RUNX1: variants seen among roughly 807,000 people sequenced by gnomAD.
RUNX1 encodes runt-related transcription factor 1.
Under a neutral mutation model 42.8 loss-of-function variants are expected in RUNX1, and 19 were observed. The ratio of observed to expected loss-of-function variants is 0.44; its 90% CI spans 0.31 to 0.65. The LOEUF (loss-of-function observed/expected upper bound fraction) is 0.65, where lower values mean the gene tolerates loss of function less well. RUNX1 is among the 30% of genes least tolerant of loss of function. RUNX1 has a pLI of 0.07. For synonymous variants in RUNX1, 271 were observed against 289.4 expected, an observed-to-expected ratio of 0.94 and a Z score of 0.64; for missense variants, 528 against 672.0, an observed-to-expected ratio of 0.79 and a Z score of 2.37.
At position 35,048,908 on chromosome 21, in the gene RUNX1, C is replaced by T. The variant is rs749074869; in HGVS notation, c.-9G>A. The T allele has an allele frequency of 1.2e-6, 2 of 1,613,348 alleles. No individual in the cohort carries two copies. Among genetic ancestry groups the T allele is most frequent in the African/African-American group, 1.3e-5 (1 of 74,858 alleles). ...ATGCTGTCTGAAGCCATCGCTTCCT[C>T]CTGAAAATGCACCCTCTTCTGAAGG... On this transcript the variant is annotated 5_prime_UTR_variant, in exon 2 of 9. Transcript: ENST00000675419.
chr21:35,023,503 G>A (rs1569154957), intron 2 of RUNX1, among the ~76,000 whole-genome samples: 1 of 152,312 alleles, frequency 6.6e-6, no homozygotes, highest in Non-Finnish European at 1.5e-5. Flanking sequence ...GCAGGGGGCT[G>A]GACTGTGGAT....
intron 3 of RUNX1, chr21:34,889,777 G>C (rs1399556879): frequency 2.4e-5 from 28 of 1,148,370 alleles, no homozygotes; most frequent in Non-Finnish European, 2.9e-5. Context: ...GGTCCGGCGT[G>C]CGCTGCCAAC....
chr21:34,888,667 C>T (rs2058034196), intron 3 of RUNX1: 4 of 1,045,448 alleles, frequency 3.8e-6, no homozygotes, highest in African/African-American at 1.7e-5. Flanking sequence ...GGCGCCCGTC[C>T]CGCCCGCGCC....
chr21:34,889,016 C>G (rs2058041173), intron 3 of RUNX1, among the ~76,000 whole-genome samples: 1 of 151,330 alleles, frequency 6.6e-6, no homozygotes, highest in Admixed American at 6.6e-5. Flanking sequence ...CGCGAGTGGC[C>G]ACGGTCCGGA....
chr21:35,031,073 G>T (rs999678775), intron 2 of RUNX1, among the ~76,000 whole-genome samples: 3 of 152,232 alleles, frequency 2.0e-5, no homozygotes, highest in African/African-American at 7.2e-5. Context: ...AGATGGCCGG[G>T]TGCGGTGGCT....
chr21:34,955,264 T>C (rs567313275), intron 2 of RUNX1, among the ~76,000 whole-genome samples: 1 of 152,174 alleles, frequency 6.6e-6, no homozygotes, highest in African/African-American at 2.4e-5. Context: ...CAGGGGACTC[T>C]TACACTTACT....
At chr21:34,937,156 G>T (rs961001877) in intron 2 of RUNX1, among the ~76,000 whole-genome samples, 1 of 152,038 alleles carries the variant, frequency 6.6e-6, no homozygotes, top group Admixed American at 6.5e-5. Context: ...CTGAATCAAA[G>T]ACTAGGTTAT....
intron 6 of RUNX1, among the ~76,000 whole-genome samples, chr21:34,850,695 T>A (rs2057405535): frequency 6.6e-6 from 1 of 152,064 alleles, no homozygotes; most frequent in Non-Finnish European, 1.5e-5. Context: ...GTGCCCAGAG[T>A]GTTTCCAGGG....
chr21:34,920,999 T>C (rs974365623), intron 2 of RUNX1, among the ~76,000 whole-genome samples: 1 of 152,024 alleles, frequency 6.6e-6, no homozygotes, highest in African/African-American at 2.4e-5. Context: ...GCTGGGATTA[T>C]AGGAGCCTGC....
Position 34,967,206 on chromosome 21 carries a change from G to C in RUNX1, c.59-74243C>G, listed in dbSNP as rs191764104. Among the ~76,000 whole-genome samples, 255 of 150,302 alleles carry C rather than the reference G, an allele frequency of 1.7e-3. 7 individuals are homozygous for C. In the East Asian group the frequency reaches 0.043, roughly 25 times the overall value. ...ATGGTGGCAGGCGCCTGTAATCACA[G>C]CTACTTGGGAGGCTGAGGGAGGAGA... On this transcript the variant is annotated intron_variant, in intron 2 of 8. Transcript: ENST00000675419.
chr21:34,877,694 C>T, intron 5 of RUNX1, among the ~76,000 whole-genome samples: 1 of 152,176 alleles, frequency 6.6e-6, no homozygotes, highest in East Asian at 1.9e-4. Flanking sequence ...ACGGAATGAA[C>T]CCGAGGTTAG....
In RUNX1 at chr21:34,875,971, T is replaced by C. The variant is rs545401508; in HGVS notation, c.508+4586A>G. ...AGGATAAATATTATGTCTGGGAAGA[T>C]ATTCACAGCAAGAACATACCGAAGG... On this transcript the variant is annotated intron_variant, in intron 5 of 8. Coordinates refer to ENST00000675419, the MANE Select transcript of RUNX1 (RefSeq NM_001754.5). Among the ~76,000 whole-genome samples, 4 of 152,366 alleles carry C rather than the reference T, an allele frequency of 2.6e-5. No individual in the cohort carries two copies. The East Asian group carries it at 7.7e-4, about 29-fold the overall frequency.
rs1267446094 is a variant in RUNX1, at chr21:34,880,678, C to G, written c.387G>C (p.Leu129=). The change falls in exon 5 of 9, where the codon CTG becomes CTC. Residue 129 remains leucine, a synonymous_variant. Coordinates refer to ENST00000675419, the MANE Select transcript of RUNX1 (RefSeq NM_001754.5). ...VALGDVPDGT[L]VTVMAGNDEN... The stretch of plus-strand genomic sequence containing the variant: ...CATCATTGCCAGCCATCACAGTGAC[C>G]AGAGTGCCATCTGGAACATCCCCTA... 2 of 1,614,144 alleles carry G rather than the reference C, an allele frequency of 1.2e-6. No homozygotes were observed. The highest frequency in any genetic ancestry group is 1.1e-5 in the South Asian group (1 of 91,088).
At chr21:34,967,355 A>G (rs900515883) in intron 2 of RUNX1, among the ~76,000 whole-genome samples, 3 of 142,470 alleles carry the variant, frequency 2.1e-5, no homozygotes, top group East Asian at 4.1e-4. Flanking sequence ...AAAAAAAAGA[A>G]GAATAGCGTT....
At chr21:34,986,433 T>C (rs1013180964) in intron 2 of RUNX1, among the ~76,000 whole-genome samples, 1 of 151,404 alleles carries the variant, frequency 6.6e-6, no homozygotes, top group East Asian at 1.9e-4. Flanking sequence ...GCAGGAGATA[T>C]GTGGCATTTA....
At chr21:34,908,257 A>G (rs527736405) in intron 2 of RUNX1, among the ~76,000 whole-genome samples, 125 of 152,322 alleles carry the variant, frequency 8.2e-4, no homozygotes, top group African/African-American at 2.7e-3. Context: ...TTCTCAAGAA[A>G]TAATGCAATG....
intron 7 of RUNX1, among the ~76,000 whole-genome samples, chr21:34,803,343 C>T (rs747666483): frequency 3.2e-4 from 48 of 151,986 alleles, no homozygotes; most frequent in South Asian, 6.2e-4. Context: ...GTTAGGAGAT[C>T]GAGACCATCC....
At position 35,041,656 on chromosome 21, in the gene RUNX1, CTTTCTT is replaced by C. The variant is rs1357775935; in HGVS notation, c.58+7180_58+7185del. ...CATCCTTTCTTTCTTCTTTTTCTTT[CTTTCTT>C]TTTTTTTTTTTTTTTAACGAAGCAA... On this transcript the variant is annotated intron_variant, in intron 2 of 8. Transcript: ENST00000675419. Among the ~76,000 whole-genome samples, 404 of 126,902 alleles carry C rather than the reference CTTTCTT, an allele frequency of 3.2e-3. 4 individuals are homozygous for C. Among genetic ancestry groups the C allele is most frequent in the African/African-American group, 0.012 (365 of 29,316 alleles). The allele number at this position is 126,902 out of a possible 152,430, so 83.3% of individuals were successfully genotyped here.
chr21:34,848,787 G>A (rs879548611), intron 6 of RUNX1, among the ~76,000 whole-genome samples: 1 of 152,148 alleles, frequency 6.6e-6, no homozygotes, highest in Non-Finnish European at 1.5e-5. Context: ...GTGTCCGAGA[G>A]GCGCGTGGGA....
Sources: gnomAD v4.1 joint callset for allele counts (sites outside exome capture counted in the v4.1 genomes callset) on GRCh38, gnomAD v4.1.1 for gene constraint, MANE v1.5 for transcripts, NCBI Gene and HGNC (gene_info 2026-07-23, HGNC 2026-07-21) for gene names.